Variants in IL3RA observed in about 807,000 individuals in gnomAD.
IL3RA encodes the protein interleukin 3 receptor subunit alpha.
A neutral mutation model predicts 52.3 loss-of-function variants in IL3RA; 73 were observed. That is an observed-to-expected ratio of 1.40 (90% CI 1.16 to 1.70). IL3RA has a LOEUF of 1.70. Ranked by LOEUF, IL3RA falls within the 40% of genes most tolerant of loss-of-function variation. IL3RA has a pLI of 0.00. For synonymous variants in IL3RA, 260 were observed against 194.0 expected (o/e 1.34, Z -2.83); for missense variants, 664 against 504.4 (o/e 1.32, Z -3.03).
Position 1,341,677 on chromosome X carries a change from A to G in IL3RA, c.-38-51A>G, listed in dbSNP as rs1334582750. On this transcript the variant is annotated intron_variant, in intron 1 of 11. Transcript: ENST00000331035. ...GGGGCAAGCATCCTTCATTACCCGC[A>G]ACCCAGTTTCACAGCCAGTCCCCGC... The G allele has an allele frequency of 2.7e-6, 4 of 1,472,072 alleles. No homozygotes were observed. In the African/African-American group the frequency reaches 5.5e-5, roughly 20 times the overall value. 91.2% of individuals were successfully genotyped at this position (1,472,072 alleles called of 1,614,324 possible). A position where few individuals can be genotyped will look rare whatever the true frequency, so the allele number is the denominator to read the frequency against.
intron 4 of IL3RA, among the ~76,000 whole-genome samples, chrX:1,349,824 G>C (rs7891706): frequency 6.6e-6 from 1 of 150,778 alleles, no homozygotes; most frequent in Admixed American, 6.6e-5. Flanking sequence ...CACCAAGCCC[G>C]GCTAAATTTT....
intron 9 of IL3RA, among the ~76,000 whole-genome samples, chrX:1,368,722 C>A (rs1414165598): frequency 6.6e-6 from 1 of 150,468 alleles, no homozygotes; most frequent in Non-Finnish European, 1.5e-5. Context: ...AGGGAGAAGA[C>A]GGCGTCTCCA....
intron 1 of IL3RA, among the ~76,000 whole-genome samples, chrX:1,338,645 C>T (rs1276509825): frequency 6.6e-6 from 1 of 152,236 alleles, no homozygotes; most frequent in African/African-American, 2.4e-5. Context: ...TACATAGTGT[C>T]TGTATGATTC....
At chrX:1,344,990 A>AG (rs2085671398) in intron 2 of IL3RA, among the ~76,000 whole-genome samples, 1 of 132,338 alleles carries the variant, frequency 7.6e-6, no homozygotes, top group Non-Finnish European at 1.6e-5. Context: ...GTGAAACGCC[A>AG]TCTCTACTAA....
intron 3 of IL3RA, among the ~76,000 whole-genome samples, chrX:1,347,244 G>C (rs1264486118): frequency 6.7e-6 from 1 of 150,250 alleles, no homozygotes; most frequent in Non-Finnish European, 1.5e-5. Flanking sequence ...AGGAGATCGA[G>C]ACCCTCCTGG....
intron 11 of IL3RA, among the ~76,000 whole-genome samples, 200 bp from the exon 12 acceptor site, chrX:1,382,191 C>T (rs1351571000): frequency 9.8e-4 from 50 of 50,786 alleles, no homozygotes; most frequent in South Asian, 1.4e-3. Context: ...CCTTATGGTC[C>T]GCTCGCCTCG....
At chrX:1,355,660 G>A (rs1297288167) in intron 6 of IL3RA, among the ~76,000 whole-genome samples, 5 of 151,702 alleles carry the variant, frequency 3.3e-5, no homozygotes, top group Non-Finnish European at 7.4e-5. Flanking sequence ...GGGGGCGGAG[G>A]TGGGGGAGGT....
At chrX:1,353,805 A>ACCC (rs373961307) in intron 6 of IL3RA, among the ~76,000 whole-genome samples, 14 of 91,622 alleles carry the variant, frequency 1.5e-4, no homozygotes, top group African/African-American at 6.2e-4. Context: ...GGGTCATGGG[A>ACCC]CCCCCCCCAT....
intron 8 of IL3RA, among the ~76,000 whole-genome samples, chrX:1,362,391 G>C (rs1296811076): frequency 1.4e-5 from 2 of 144,926 alleles, no homozygotes; most frequent in Non-Finnish European, 3.0e-5. Flanking sequence ...GTCTCTGTCT[G>C]TTTCTGTTTT....
intron 8 of IL3RA, among the ~76,000 whole-genome samples, 154 bp downstream of exon 8, chrX:1,359,041 G>C (rs1376243258): frequency 6.6e-6 from 1 of 151,924 alleles, no homozygotes; most frequent in African/African-American, 2.4e-5. Flanking sequence ...AATGTTCAGT[G>C]ACTTTCATTG....
chrX:1,365,014 G>T, intron 8 of IL3RA, 124 bp from the exon 9 acceptor site: 1 of 625,074 alleles, frequency 1.6e-6, no homozygotes, highest in South Asian at 1.8e-5. Context: ...TCACCATGTT[G>T]GCCAGGCTGG....
At chrX:1,344,434 AAAAC>A (rs2085637465) in intron 2 of IL3RA, among the ~76,000 whole-genome samples, 1 of 151,112 alleles carries the variant, frequency 6.6e-6, no homozygotes, top group African/African-American at 2.4e-5. Context: ...ACTCCGTCTC[AAAAC>A]AAACAAGCAA....
chrX:1,345,794 C>T (rs1441630192), intron 3 of IL3RA, among the ~76,000 whole-genome samples: 1 of 151,926 alleles, frequency 6.6e-6, no homozygotes, highest in Non-Finnish European at 1.5e-5. Flanking sequence ...ATGGCCCAGA[C>T]TCTCTAATGT....
chrX:1,362,498 C>CTCTT (rs377047941), intron 8 of IL3RA, among the ~76,000 whole-genome samples: 3,938 of 149,520 alleles, frequency 0.026, 157 homozygotes, highest in African/African-American at 0.094. Context: ...CCCACTATCT[C>CTCTT]TGTCTATGTC....
chrX:1,367,791 G>A (rs1313574314), intron 9 of IL3RA, among the ~76,000 whole-genome samples: 7 of 140,072 alleles, frequency 5.0e-5, no homozygotes, highest in Non-Finnish European at 7.7e-5. Context: ...CGGGCTGAGC[G>A]GGGTGCGCCG....
At chrX:1,362,440 T>C (rs368490560) in intron 8 of IL3RA, among the ~76,000 whole-genome samples, 1 of 150,408 alleles carries the variant, frequency 6.6e-6, no homozygotes, top group Admixed American at 6.6e-5. Context: ...CTGTGTCTCT[T>C]TGTATCTCTG....
At position 1,361,211 on chromosome X, in the gene IL3RA, A is replaced by T. The variant is rs1236996119; in HGVS notation, c.759+2324A>T. ...TCTCTCTCTCCATTCCCCTGTCTCT[A>T]TGTCTCTCCCTTTCTCTCTCCCATT... is the stretch of plus-strand genomic sequence containing the variant. On this transcript the variant is annotated intron_variant, in intron 8 of 11. Transcript: ENST00000331035. Among the ~76,000 whole-genome samples, 10 of 127,208 alleles carry T rather than the reference A, an allele frequency of 7.9e-5. 2 individuals are homozygous for T. Among genetic ancestry groups the T allele is most frequent in the Non-Finnish European group, 9.9e-5 (6 of 60,904 alleles). 83.5% of individuals were successfully genotyped at this position (127,208 alleles called of 152,430 possible). A position where few individuals can be genotyped will look rare whatever the true frequency, so the allele number is the denominator to read the frequency against.
Position 1,378,578 on chromosome X carries a change from C to T in IL3RA, c.875-81C>T, listed in dbSNP as rs2088958587. 3.2e-6 allele frequency: 4 copies of T among 1,254,298 alleles called. No individual in the cohort carries two copies. In the South Asian group the frequency reaches 3.8e-5, roughly 12 times the overall value. 77.7% of individuals were successfully genotyped at this position (1,254,298 alleles called of 1,614,324 possible). A position where few individuals can be genotyped will look rare whatever the true frequency, so the allele number is the denominator to read the frequency against. ...ATATGGCAGCCACCTCTCTGCTTCC[C>T]AGGGCCCCGGGGAGAGCTTACAGTC... On this transcript the variant is annotated intron_variant, in intron 9 of 11. Transcript: ENST00000331035.
At chrX:1,349,645 G>A (rs1339869760) in intron 4 of IL3RA, among the ~76,000 whole-genome samples, 1 of 150,924 alleles carries the variant, frequency 6.6e-6, no homozygotes, top group African/African-American at 2.5e-5. Flanking sequence ...AGAAGTCCAT[G>A]GTTTATTTTT....
Sources: gnomAD v4.1 joint callset for allele counts (sites outside exome capture counted in the v4.1 genomes callset) on GRCh38, gnomAD v4.1.1 for gene constraint, MANE v1.5 for transcripts, NCBI Gene and HGNC (gene_info 2026-07-23, HGNC 2026-07-21) for gene names.